Variants in AGBL4 observed in about 807,000 individuals in gnomAD.
AGBL4 encodes AGBL carboxypeptidase 4, also known as cytosolic carboxypeptidase 6.
A neutral mutation model predicts 66.4 loss-of-function variants in AGBL4; 58 were observed. The observed-to-expected ratio is 0.87, with a 90% CI of 0.71 to 1.09. The LOEUF is 1.09. AGBL4 is among the 50% of genes least tolerant of loss of function. The pLI is 0.00. For synonymous variants in AGBL4, 234 were observed against 222.9 expected (o/e 1.05, Z -0.44); for missense variants, 579 against 631.0 (o/e 0.92, Z 0.88).
intron 3 of AGBL4, chr1:49,268,392 T>G (rs1177364170): frequency 6.8e-6 from 1 of 148,118 alleles, no homozygotes; most frequent in Non-Finnish European, 1.5e-5. Flanking sequence ...CAAAATTCCT[T>G]TCCTTTTTTT....
At chr1:49,857,198 C>A (rs1276563456) in intron 1 of AGBL4, among the ~76,000 whole-genome samples, 3 of 151,814 alleles carry the variant, frequency 2.0e-5, no homozygotes, top group African/African-American at 7.2e-5. Context: ...AATGAAAATT[C>A]CAAAACACTG....
intron 2 of AGBL4, among the ~76,000 whole-genome samples, chr1:49,774,067 A>T (rs1039460852): frequency 1.4e-4 from 21 of 152,224 alleles, no homozygotes; most frequent in African/African-American, 5.1e-4. Flanking sequence ...TCCAGTTTCA[A>T]GATGATGCCA....
At chr1:49,288,883 A>G (rs1644480085) in intron 3 of AGBL4, among the ~76,000 whole-genome samples, 1 of 152,212 alleles carries the variant, frequency 6.6e-6, no homozygotes, top group African/African-American at 2.4e-5. Context: ...GCCTGGTAAA[A>G]AAAAATTAAA....
chr1:49,308,246 A>G (rs1467824686), intron 3 of AGBL4, among the ~76,000 whole-genome samples: 1 of 152,196 alleles, frequency 6.6e-6, no homozygotes, highest in Non-Finnish European at 1.5e-5. Flanking sequence ...GCAGTCCAAG[A>G]ACAGACTAAT....
chr1:49,318,777 C>G (rs1220219307), intron 3 of AGBL4, among the ~76,000 whole-genome samples: 1 of 152,046 alleles, frequency 6.6e-6, no homozygotes, highest in African/African-American at 2.4e-5. Flanking sequence ...TAGGGCCACT[C>G]TCTTATGCTT....
At chr1:49,267,168 T>C (rs1643940022) in intron 3 of AGBL4, among the ~76,000 whole-genome samples, 1 of 152,218 alleles carries the variant, frequency 6.6e-6, no homozygotes, top group Non-Finnish European at 1.5e-5. Context: ...GAGTACACTT[T>C]CTTTTGAGCC....
chr1:49,076,262 G>GA, intron 4 of AGBL4, among the ~76,000 whole-genome samples: 1 of 152,236 alleles, frequency 6.6e-6, no homozygotes, highest in South Asian at 2.1e-4. Flanking sequence ...GTCCCTTATA[G>GA]AAAATCACAT....
intron 2 of AGBL4, among the ~76,000 whole-genome samples, chr1:49,827,635 T>C (rs1645545657): frequency 6.6e-6 from 1 of 152,198 alleles, no homozygotes; most frequent in Admixed American, 6.5e-5. Context: ...TTGTTGTACA[T>C]TGCTACCAAT....
chr1:49,172,659 T>G (rs930819130), intron 4 of AGBL4, among the ~76,000 whole-genome samples: 9 of 152,038 alleles, frequency 5.9e-5, no homozygotes, highest in African/African-American at 2.2e-4. Context: ...AATAATAAAT[T>G]TAGATGAAGC....
intron 6 of AGBL4, among the ~76,000 whole-genome samples, chr1:48,849,804 C>T (rs555003007): frequency 6.6e-6 from 1 of 152,218 alleles, no homozygotes; most frequent in African/African-American, 2.4e-5. Context: ...GAAACCCTGT[C>T]TCTACTAAAA....
At chr1:49,209,808 C>T (rs1419016509) in intron 4 of AGBL4, among the ~76,000 whole-genome samples, 1 of 151,962 alleles carries the variant, frequency 6.6e-6, no homozygotes, top group Non-Finnish European at 1.5e-5. Context: ...TTTTGAATAG[C>T]TCATACTAAC....
chr1:50,015,591 G>C (rs897958492), intron 1 of AGBL4, among the ~76,000 whole-genome samples: 2 of 152,126 alleles, frequency 1.3e-5, no homozygotes, highest in African/African-American at 4.8e-5. Flanking sequence ...GGGAAATCAA[G>C]GCTGCAGTGA....
chr1:49,380,007 T>C (rs568284323), intron 3 of AGBL4, among the ~76,000 whole-genome samples: 99 of 152,094 alleles, frequency 6.5e-4, no homozygotes, highest in African/African-American at 2.1e-3. Context: ...CCAGGGAAAT[T>C]AGGCAGGAGA....
chr1:49,246,452 T>C (rs1422078394), intron 3 of AGBL4, among the ~76,000 whole-genome samples: 1 of 151,940 alleles, frequency 6.6e-6, no homozygotes, highest in Non-Finnish European at 1.5e-5. Flanking sequence ...CTGAAGGATA[T>C]ACATCCTCTT....
chr1:49,880,850 TATA>T (rs1647223231), intron 1 of AGBL4, among the ~76,000 whole-genome samples: 1 of 151,972 alleles, frequency 6.6e-6, no homozygotes, highest in Non-Finnish European at 1.5e-5. Flanking sequence ...AGGTGTGGGA[TATA>T]GTCTCGTGGT....
At chr1:49,659,116 G>T (rs926146474) in intron 3 of AGBL4, among the ~76,000 whole-genome samples, 1 of 152,060 alleles carries the variant, frequency 6.6e-6, no homozygotes, top group African/African-American at 2.4e-5. Flanking sequence ...CAAATGCTGA[G>T]GGAATTTGTC....
chr1:49,901,006 G>A (rs932401974), intron 1 of AGBL4, among the ~76,000 whole-genome samples: 9 of 152,190 alleles, frequency 5.9e-5, no homozygotes, highest in African/African-American at 2.2e-4. Context: ...GTGATGTAGT[G>A]TAACAAAGTT....
intron 4 of AGBL4, among the ~76,000 whole-genome samples, chr1:49,211,679 G>A (rs375750551): frequency 4.6e-5 from 7 of 152,144 alleles, no homozygotes; most frequent in East Asian, 1.9e-4. Flanking sequence ...AGCTCTCAGT[G>A]TAGTAGGGCA....
chr1:49,065,197 A>G (rs1349043255), intron 4 of AGBL4, among the ~76,000 whole-genome samples: 2 of 152,192 alleles, frequency 1.3e-5, no homozygotes, highest in African/African-American at 4.8e-5. Context: ...AATGGCAGCT[A>G]GACAGGGGCT....
Sources: gnomAD v4.1 joint callset for allele counts (sites outside exome capture counted in the v4.1 genomes callset) on GRCh38, gnomAD v4.1.1 for gene constraint, MANE v1.5 for transcripts, NCBI Gene and HGNC (gene_info 2026-07-23, HGNC 2026-07-21) for gene names.